The following MCRS1 variants were observed in gnomAD, a reference collection of about 807,000 sequenced individuals.
MCRS1 encodes the protein microspherule protein 1.
MCRS1 carries 22 observed loss-of-function variants against 62.9 expected under a neutral mutation model. The ratio of observed to expected loss-of-function variants is 0.35; its 90% CI spans 0.25 to 0.50. The LOEUF (loss-of-function observed/expected upper bound fraction) is 0.50. Among genes scored for constraint, MCRS1 ranks in the 20% least tolerant of loss-of-function variants. The pLI is 0.98. For missense variants in MCRS1, 456 were observed against 601.1 expected (o/e 0.76, Z 2.52); for synonymous variants, 244 against 233.5 (o/e 1.04, Z -0.41).
intron 2 of MCRS1, 166 bp from the exon 3 acceptor site, chr12:49,566,381 G>A (rs2138204452): frequency 6.4e-7 from 1 of 1,574,668 alleles, no homozygotes; most frequent in Non-Finnish European, 8.6e-7. Flanking sequence ...GATCCCATCT[G>A]GGCTCAGACC....
intron 2 of MCRS1, 89 bp downstream of exon 2, chr12:49,566,633 G>C: frequency 6.3e-7 from 1 of 1,587,968 alleles, no homozygotes; most frequent in Non-Finnish European, 8.6e-7. Flanking sequence ...GCCTAGCCAG[G>C]ACCGAAAGAC....
rs1269976296 is a variant in MCRS1, at chr12:49,559,546, A to G, written c.1004-11T>C. 1.2e-6 allele frequency: 2 copies of G among 1,608,694 alleles called. No homozygotes were observed. Among genetic ancestry groups the G allele is most frequent in the Non-Finnish European group, 1.7e-6 (2 of 1,179,944 alleles). On this transcript the variant is annotated splice_polypyrimidine_tract_variant and intron_variant, in intron 11 of 14. Transcript: ENST00000343810. This position sits in a 1 kb window ranked among gnomAD's most constrained non-coding sequence, Gnocchi z 5.2. ...CCGGAGAGCTCATGCCTGGGAGAAG[A>G]GGGAGTTTGGAAGAGCCTACCCCTG...
At chr12:49,562,960 A>G (rs1938847702) in intron 8 of MCRS1, 41 bp downstream of exon 8, 7 of 1,574,682 alleles carry the variant, frequency 4.4e-6, no homozygotes, top group Non-Finnish European at 6.1e-6. Context: ...ACACACATGC[A>G]CGTGCACACA....
At chr12:49,561,691 G>A (rs1472244067) in intron 8 of MCRS1, among the ~76,000 whole-genome samples, 2 of 152,120 alleles carry the variant, frequency 1.3e-5, no homozygotes, top group Admixed American at 6.5e-5. Context: ...GTGCAGTAGC[G>A]CGATCTTGGC....
intron 8 of MCRS1, among the ~76,000 whole-genome samples, chr12:49,561,292 T>G (rs1938752612): frequency 6.6e-6 from 1 of 152,188 alleles, no homozygotes. Flanking sequence ...TAGCAGCTAG[T>G]GGCCATGCAA....
Position 49,563,185 on chromosome 12 carries a change from A to T in MCRS1, c.667-46T>A, listed in dbSNP as rs1437946354. Reference sequence around the variant, plus strand: ...TCTAGGCATCTGGGCTTTTTCACACATGCCTCTCTGCCTTACCATCTCTAC... The same window carrying T: ...TCTAGGCATCTGGGCTTTTTCACACTTGCCTCTCTGCCTTACCATCTCTAC... On this transcript the variant is annotated intron_variant, in intron 7 of 14. Coordinates refer to ENST00000343810, the MANE Select transcript of MCRS1 (RefSeq NM_006337.5). 5 of 1,537,010 alleles carry T rather than the reference A, an allele frequency of 3.3e-6. No homozygotes were observed. The African/African-American group carries it at 6.2e-5, about 19-fold the overall frequency.
intron 3 of MCRS1, 56 bp from the exon 4 acceptor site, chr12:49,565,723 A>G: frequency 6.2e-7 from 1 of 1,612,392 alleles, no homozygotes; most frequent in Non-Finnish European, 8.5e-7. Flanking sequence ...ACCCATTCAC[A>G]CACCCCCAGC....
rs923776233 is a variant in MCRS1 at position 49,559,206 on chromosome 12, G to A, written c.1174+8C>T. 6.2e-7 allele frequency: 1 copy of A among 1,612,826 alleles called. No individual in the cohort carries two copies. Among genetic ancestry groups the A allele is most frequent in the Non-Finnish European group, 8.5e-7 (1 of 1,179,106 alleles). On this transcript the variant is annotated splice_region_variant and intron_variant, in intron 13 of 14. Transcript: ENST00000343810. This position sits in a 1 kb window ranked among gnomAD's most constrained non-coding sequence, Gnocchi z 5.2. Reference sequence around the variant, plus strand: ...CTGCTTCCTGCTGGGGCAGGGGGTGGGGGATACCTTGTTTCCGGGATATCT... The same window carrying A: ...CTGCTTCCTGCTGGGGCAGGGGGTGAGGGATACCTTGTTTCCGGGATATCT...
rs1369467154 is a variant in MCRS1 at position 49,565,997 on chromosome 12, AC to A, written c.149+79del. On this transcript the variant is annotated intron_variant, in intron 3 of 14. Coordinates refer to ENST00000343810, the MANE Select transcript of MCRS1 (RefSeq NM_006337.5). The stretch of plus-strand genomic sequence containing the variant: ...AGAGGGGCTCAGGCAGCCATTCCCA[AC>A]AGATGGGGAGGCATGTGGCACTTAA... 1.9e-6 allele frequency: 3 copies of A among 1,540,086 alleles called. No homozygotes were observed. In the African/African-American group the frequency reaches 4.1e-5, roughly 21 times the overall value.
chr12:49,562,058 G>A (rs1013787311), intron 8 of MCRS1, among the ~76,000 whole-genome samples: 1 of 152,212 alleles, frequency 6.6e-6, no homozygotes, highest in Non-Finnish European at 1.5e-5. Flanking sequence ...CAGGAATAAA[G>A]AGGGCTGCCC....
In MCRS1 at chr12:49,566,615, G is replaced by A. The variant is rs1432888235; in HGVS notation, c.10+107C>T. On this transcript the variant is annotated intron_variant, in intron 2 of 14. Transcript: ENST00000343810. ...ATGGGTGGTGCTGGCCCAGGGGGAGGTGGCAAGGCCTAGCCAGGACCGAAA... is the reference window on the plus strand; with the variant it reads ...ATGGGTGGTGCTGGCCCAGGGGGAGATGGCAAGGCCTAGCCAGGACCGAAA... The A allele has an allele frequency of 1.6e-5, 25 of 1,549,132 alleles. No individual in the cohort carries two copies. In the South Asian group the frequency reaches 1.6e-4, roughly 10 times the overall value.
At chr12:49,560,233 C>T (rs1565788666) in intron 9 of MCRS1, 62 bp downstream of exon 9, 4 of 1,556,468 alleles carry the variant, frequency 2.6e-6, no homozygotes, top group Admixed American at 3.3e-5. Context: ...CAGCCTGGGG[C>T]GCTCTACCTG....
At chr12:49,564,115 G>C (rs1466475338) in intron 6 of MCRS1, among the ~76,000 whole-genome samples, 1 of 152,154 alleles carries the variant, frequency 6.6e-6, no homozygotes, top group Admixed American at 6.5e-5. Context: ...TTGTTAGGAG[G>C]ATGAAACTGT....
At position 49,563,505 on chromosome 12, in the gene MCRS1, A is replaced by G. The variant is rs748657110; in HGVS notation, c.599T>C (p.Ile200Thr). 6.8e-6 allele frequency: 11 copies of G among 1,612,264 alleles called. No individual in the cohort carries two copies. Among genetic ancestry groups the G allele is most frequent in the East Asian group, 6.7e-5 (3 of 44,886 alleles). The change falls in exon 7 of 15, where the codon ATT (isoleucine) becomes ACT (threonine). Residue 200 changes from isoleucine (I) to threonine (T), a missense_variant. Transcript: ENST00000343810. ...QAMRQLHPEA[I>T]AAIQSKALFS... ...CAGGGCCTTGCTCTGGATGGCTGCA[A>G]TAGCCTCTGGGTGCAGCTGCCTCAT...
rs201855040 is a variant in MCRS1, at chr12:49,559,761, T to C, written c.971A>G (p.His324Arg). The C allele has an allele frequency of 1.3e-5, 21 of 1,614,194 alleles. No individual in the cohort carries two copies. The highest frequency in any genetic ancestry group is 2.2e-5 in the East Asian group (1 of 44,884). ...REIRQLEQEL[H>R]KWQVLVDSIT... is the part of the protein sequence containing the mutation. ...GCTGTCCACTAGCACCTGCCACTTA[T>C]GCAGTTCCTGTTCCAGCTGCCGAAT... Residue 324 changes from histidine to arginine, a missense_variant, in exon 11 of 15, where the codon CAT becomes CGT. Physicochemically the swap from His to Arg is conservative, Grantham distance 29 (BLOSUM62 0). Around this residue, in one of 3 missense-constraint regions of MCRS1, gnomAD observed 393 missense variants for 523.5 expected, o/e 0.75. Coordinates refer to ENST00000343810, the MANE Select transcript of MCRS1 (RefSeq NM_006337.5). This position sits in a 1 kb window ranked among gnomAD's most constrained non-coding sequence, Gnocchi z 5.2.
At chr12:49,561,320 G>A (rs904224324) in intron 8 of MCRS1, among the ~76,000 whole-genome samples, 2 of 152,220 alleles carry the variant, frequency 1.3e-5, no homozygotes, top group East Asian at 3.9e-4. Context: ...CTGAGGAAGT[G>A]AGGGGGAGTG....
In MCRS1 at chr12:49,559,020, G is replaced by T. The variant is rs375972087; in HGVS notation, c.1175-50C>A. Reference sequence around the variant, plus strand: ...GATGATGGGATGGGGAGGGATTGATGGGATGGGGAAAGGCCAGAGAGAGCC... The same window carrying T: ...GATGATGGGATGGGGAGGGATTGATTGGATGGGGAAAGGCCAGAGAGAGCC... On this transcript the variant is annotated intron_variant, in intron 13 of 14. Coordinates refer to ENST00000343810, the MANE Select transcript of MCRS1 (RefSeq NM_006337.5). This position sits in a 1 kb window ranked among gnomAD's most constrained non-coding sequence, Gnocchi z 5.2. 2 of 1,607,242 alleles carry T rather than the reference G, an allele frequency of 1.2e-6. No individual in the cohort carries two copies.
chr12:49,565,640 A>G lies in MCRS1; in HGVS notation c.177T>C (p.Asp59=), dbSNP rs1939017641. 2.5e-6 allele frequency: 4 copies of G among 1,613,950 alleles called. No individual in the cohort carries two copies. Among genetic ancestry groups the G allele is most frequent in the East Asian group, 4.5e-5 (2 of 44,892 alleles). ...TTGCCAGGCTGCTCTCCACCAGCTC[A>G]TCATCGAACTTCTTCCTCTTGATGA... ...SRFIKRKKFD[D]ELVESSLAKS... is the part of the protein sequence containing the mutation. Residue 59 remains aspartate (D), a synonymous_variant, in exon 4 of 15, where the codon GAT becomes GAC. Transcript: ENST00000343810.
chr12:49,559,683 C>A lies in MCRS1; in HGVS notation c.1003+46G>T. 1.9e-6 allele frequency: 3 copies of A among 1,608,508 alleles called. No individual in the cohort carries two copies. The highest frequency in any genetic ancestry group is 4.5e-5 in the East Asian group (2 of 44,784). ...GCAGCAACAGGGGCACAGGCTGGGG[C>A]GAAGGATGCTGAAGAGTGAGCCTTC... On this transcript the variant is annotated intron_variant, in intron 11 of 14. Coordinates refer to ENST00000343810, the MANE Select transcript of MCRS1 (RefSeq NM_006337.5). The surrounding 1 kb of genome is among the most constrained non-coding windows in gnomAD (Gnocchi z 5.2).
Sources: allele counts gnomAD v4.1 joint callset (sites outside exome capture counted in the v4.1 genomes callset), GRCh38; gene constraint gnomAD v4.1.1; regional missense constraint gnomAD v4.1.1; non-coding constraint Gnocchi (gnomAD v3.1); transcripts MANE v1.5; gene names NCBI Gene and HGNC (gene_info 2026-07-23, HGNC 2026-07-21).